The following CCDC6 variants were observed in gnomAD, a reference collection of about 807,000 sequenced individuals.
The protein encoded by CCDC6 is coiled-coil domain-containing protein 6.
CCDC6 carries 20 observed loss-of-function variants against 56.6 expected under a neutral mutation model. That is an observed-to-expected ratio of 0.35 (90% CI 0.25 to 0.51). The LOEUF (loss-of-function observed/expected upper bound fraction) is 0.51. Among genes scored for constraint, CCDC6 ranks in the 20% least tolerant of loss-of-function variants. The probability of loss-of-function intolerance (pLI) is 0.95; values close to 1 mark genes in which losing one functional copy is unlikely to be tolerated. For synonymous variants in CCDC6, 241 were observed against 234.4 expected (o/e 1.03, Z -0.26); for missense variants, 367 against 601.1 (o/e 0.61, Z 4.07).
At chr10:59,843,889 T>C (rs1387616466) in intron 2 of CCDC6, among the ~76,000 whole-genome samples, 2 of 152,146 alleles carry the variant, frequency 1.3e-5, no homozygotes, top group Non-Finnish European at 2.9e-5. Context: ...CTCTCTAAAC[T>C]TTGACCAAAA....
At chr10:59,794,017 G>C (rs1476342875) in intron 8 of CCDC6, among the ~76,000 whole-genome samples, 1 of 152,026 alleles carries the variant, frequency 6.6e-6, no homozygotes, top group Non-Finnish European at 1.5e-5. Flanking sequence ...AACTCCCTTG[G>C]GTAGAGTTGG....
chr10:59,905,143 G>A (rs1303142576), intron 1 of CCDC6, among the ~76,000 whole-genome samples: 1 of 152,140 alleles, frequency 6.6e-6, no homozygotes, highest in Non-Finnish European at 1.5e-5. Context: ...GATGTGGTGA[G>A]CTGGCAGGGA....
intron 1 of CCDC6, among the ~76,000 whole-genome samples, chr10:59,903,505 C>T (rs529854325): frequency 1.8e-4 from 27 of 152,152 alleles, no homozygotes; most frequent in African/African-American, 5.1e-4. Flanking sequence ...AAAAAGAGCC[C>T]GGCTCTTCCC....
chr10:59,877,354 C>T (rs1024079859), intron 1 of CCDC6, among the ~76,000 whole-genome samples: 1 of 152,182 alleles, frequency 6.6e-6, no homozygotes, highest in African/African-American at 2.4e-5. Context: ...ACAGAACATC[C>T]TAGCTAATGC....
intron 1 of CCDC6, among the ~76,000 whole-genome samples, chr10:59,884,243 CA>C (rs1032830870): frequency 1.3e-5 from 2 of 151,764 alleles, no homozygotes; most frequent in Non-Finnish European, 2.9e-5. Context: ...TCAAAACAAA[CA>C]AAAAAATAAG....
intron 1 of CCDC6, among the ~76,000 whole-genome samples, chr10:59,869,688 T>C (rs1388735577): frequency 1.3e-5 from 2 of 152,120 alleles, no homozygotes; most frequent in Admixed American, 6.5e-5. Context: ...CCGTGCTCAT[T>C]CTGCACACCC....
At chr10:59,871,224 A>C (rs1304965941) in intron 1 of CCDC6, among the ~76,000 whole-genome samples, 1 of 152,130 alleles carries the variant, frequency 6.6e-6, no homozygotes, top group Non-Finnish European at 1.5e-5. Flanking sequence ...AAATTAATAG[A>C]ACTGTGTCTA....
chr10:59,850,807 A>C lies in CCDC6; in HGVS notation c.453+1746T>G, dbSNP rs147830257. Among the ~76,000 whole-genome samples the C allele has an allele frequency of 1.3e-3, 192 of 152,270 alleles. 1 individual carries two copies. The highest frequency in any genetic ancestry group is 4.4e-3 in the African/African-American group (181 of 41,564). ...TATTTAGAGGATGCTTGGAGCTTCAATTTTAAGTTCAAGCCTTCTTACACC... is the reference window on the plus strand; with the variant it reads ...TATTTAGAGGATGCTTGGAGCTTCACTTTTAAGTTCAAGCCTTCTTACACC... On this transcript the variant is annotated intron_variant, in intron 2 of 8. Coordinates refer to ENST00000263102, the MANE Select transcript of CCDC6 (RefSeq NM_005436.5).
At chr10:59,895,788 G>A (rs2071457959) in intron 1 of CCDC6, among the ~76,000 whole-genome samples, 4 of 152,164 alleles carry the variant, frequency 2.6e-5, no homozygotes, top group Admixed American at 2.6e-4. Context: ...GAGTGTCTTT[G>A]TTTACCTGAG....
intron 1 of CCDC6, among the ~76,000 whole-genome samples, chr10:59,891,319 T>C (rs1485474899): frequency 1.3e-5 from 2 of 151,892 alleles, no homozygotes; most frequent in Non-Finnish European, 1.5e-5. Context: ...ATGAATAAAA[T>C]TGAAAGGAGG....
chr10:59,858,124 G>A (rs949531687), intron 1 of CCDC6, among the ~76,000 whole-genome samples: 8 of 152,104 alleles, frequency 5.3e-5, no homozygotes, highest in Non-Finnish European at 4.4e-5. Flanking sequence ...TTTAAGTGCC[G>A]GTGCAGCAGG....
intron 2 of CCDC6, among the ~76,000 whole-genome samples, chr10:59,841,706 C>T (rs1352695929): frequency 1.3e-5 from 2 of 150,758 alleles, no homozygotes; most frequent in Non-Finnish European, 2.9e-5. Context: ...GTCACTCTGT[C>T]GCCCAGGCTG....
chr10:59,880,029 T>A (rs560306930), intron 1 of CCDC6, among the ~76,000 whole-genome samples: 6 of 152,326 alleles, frequency 3.9e-5, no homozygotes, highest in Admixed American at 1.3e-4. Flanking sequence ...AGCTATTGCA[T>A]AGAAGCATGC....
chr10:59,813,992 C>A (rs953934192), intron 4 of CCDC6, among the ~76,000 whole-genome samples: 6 of 152,082 alleles, frequency 3.9e-5, no homozygotes, highest in Non-Finnish European at 8.8e-5. Flanking sequence ...CTTTTTACAC[C>A]CGTACACACA....
At chr10:59,888,738 T>C (rs2071400828) in intron 1 of CCDC6, among the ~76,000 whole-genome samples, 1 of 152,202 alleles carries the variant, frequency 6.6e-6, no homozygotes, top group Non-Finnish European at 1.5e-5. Context: ...AGAGGCAAAC[T>C]GAACCATTTA....
intron 5 of CCDC6, among the ~76,000 whole-genome samples, chr10:59,808,138 C>A (rs981338239): frequency 2.0e-5 from 3 of 152,192 alleles, no homozygotes; most frequent in African/African-American, 4.8e-5. Context: ...GGAGCTCCCC[C>A]ACAAATCCAG....
At chr10:59,830,776 G>A (rs892740331) in intron 3 of CCDC6, among the ~76,000 whole-genome samples, 4 of 152,200 alleles carry the variant, frequency 2.6e-5, no homozygotes, top group Admixed American at 1.3e-4. Context: ...AATAGGATGA[G>A]ACTGCCCTTC....
chr10:59,845,606 TC>T, intron 2 of CCDC6, among the ~76,000 whole-genome samples: 1 of 152,304 alleles, frequency 6.6e-6, no homozygotes, highest in Non-Finnish European at 1.5e-5. Flanking sequence ...ACTCAGTAGC[TC>T]TTTGTAGGCA....
intron 1 of CCDC6, among the ~76,000 whole-genome samples, chr10:59,868,088 AATTG>A (rs1247975039): frequency 1.3e-5 from 2 of 152,038 alleles, no homozygotes; most frequent in Non-Finnish European, 2.9e-5. Context: ...AAACTTTCTA[AATTG>A]ATTGAGACCT....
Sources: allele counts gnomAD v4.1 joint callset (sites outside exome capture counted in the v4.1 genomes callset), GRCh38; gene constraint gnomAD v4.1.1; transcripts MANE v1.5; gene names NCBI Gene and HGNC (gene_info 2026-07-23, HGNC 2026-07-21).